Variants in FOXK2 observed in about 807,000 individuals in gnomAD.
FOXK2 encodes forkhead box K2, also known as forkhead box protein K2.
Under a neutral mutation model 53.3 loss-of-function variants are expected in FOXK2, and 24 were observed. The ratio of observed to expected loss-of-function variants is 0.45; its 90% CI spans 0.33 to 0.63. FOXK2 has a LOEUF of 0.63. FOXK2 is among the 30% of genes least tolerant of loss of function. The pLI is 0.03. For missense variants in FOXK2, 952 were observed against 910.5 expected, an observed-to-expected ratio of 1.05 and a Z score of -0.59; for synonymous variants, 505 against 407.1, an observed-to-expected ratio of 1.24 and a Z score of -2.89.
chr17:82,554,650 C>T (rs574806333), intron 1 of FOXK2, among the ~76,000 whole-genome samples: 1 of 152,260 alleles, frequency 6.6e-6, no homozygotes, highest in African/African-American at 2.4e-5. Context: ...CTGTCCCTTC[C>T]TTCCATTTTT....
Position 82,563,352 on chromosome 17 carries a change from A to G in FOXK2, c.420-2A>G. 1 of 1,610,176 alleles carries G rather than the reference A, an allele frequency of 6.2e-7. No homozygotes were observed. The highest frequency in any genetic ancestry group is 8.5e-7 in the Non-Finnish European group (1 of 1,178,264). Reference sequence around the variant, plus strand: ...TGCTGATGGTGGGCTTTTCTTTTCCAGGTGCACATTCAGGTTCCCGAGCAC... The same window carrying G: ...TGCTGATGGTGGGCTTTTCTTTTCCGGGTGCACATTCAGGTTCCCGAGCAC... On this transcript the variant is annotated splice_acceptor_variant, in intron 1 of 8. Transcript: ENST00000335255. LOFTEE classifies it high-confidence loss of function.
chr17:82,558,298 G>A (rs1185365886), intron 1 of FOXK2, among the ~76,000 whole-genome samples: 3 of 152,166 alleles, frequency 2.0e-5, no homozygotes, highest in African/African-American at 7.2e-5. Context: ...TGATTGCGTT[G>A]CTGCACTCCA....
At chr17:82,537,618 T>A (rs1172395594) in intron 1 of FOXK2, among the ~76,000 whole-genome samples, 7 of 30,442 alleles carry the variant, frequency 2.3e-4, no homozygotes, top group Admixed American at 1.1e-3. Context: ...AGACTCCATC[T>A]CAAAAAAAAA....
At chr17:82,533,910 G>T (rs1010655044) in intron 1 of FOXK2, among the ~76,000 whole-genome samples, 3 of 151,910 alleles carry the variant, frequency 2.0e-5, no homozygotes, top group African/African-American at 7.3e-5. Context: ...GAGGTTGGAG[G>T]ATCACTTGGG....
intron 8 of FOXK2, chr17:82,588,255 C>A (rs932241110): frequency 2.0e-5 from 3 of 152,536 alleles, no homozygotes; most frequent in Non-Finnish European, 4.4e-5. Flanking sequence ...TCATCAGTTA[C>A]CTGTTTGAAT....
At chr17:82,548,254 A>C (rs567622250) in intron 1 of FOXK2, among the ~76,000 whole-genome samples, 1 of 152,176 alleles carries the variant, frequency 6.6e-6, no homozygotes, top group Non-Finnish European at 1.5e-5. Flanking sequence ...TGCTGGCAGT[A>C]TGTGACAGCT....
intron 1 of FOXK2, among the ~76,000 whole-genome samples, chr17:82,529,644 C>G (rs1367725421): frequency 6.6e-6 from 1 of 152,180 alleles, no homozygotes; most frequent in Admixed American, 6.5e-5. Context: ...CCTCGGCCTC[C>G]CAAAGTGCTG....
At chr17:82,538,068 C>G (rs1330840864) in intron 1 of FOXK2, among the ~76,000 whole-genome samples, 1 of 151,288 alleles carries the variant, frequency 6.6e-6, no homozygotes, top group Non-Finnish European at 1.5e-5. Flanking sequence ...TACAAAAATA[C>G]AAAAATTAGC....
chr17:82,558,428 G>A (rs555959054), intron 1 of FOXK2, among the ~76,000 whole-genome samples: 29 of 152,350 alleles, frequency 1.9e-4, no homozygotes, highest in African/African-American at 2.6e-4. Context: ...GGGTCTGGAC[G>A]AGGACGTTGT....
intron 1 of FOXK2, among the ~76,000 whole-genome samples, chr17:82,538,035 C>G (rs2044537982): frequency 6.6e-6 from 1 of 151,904 alleles, no homozygotes; most frequent in South Asian, 2.1e-4. Flanking sequence ...ACTAGCTTGG[C>G]CAACATGGTG....
At chr17:82,533,085 C>T (rs1423053015) in intron 1 of FOXK2, among the ~76,000 whole-genome samples, 2 of 152,176 alleles carry the variant, frequency 1.3e-5, no homozygotes, top group African/African-American at 2.4e-5. Context: ...GAGCTGTCAC[C>T]TCCGGTGATA....
intron 6 of FOXK2, among the ~76,000 whole-genome samples, chr17:82,584,489 TCAAAA>T (rs993179699): frequency 4.2e-5 from 4 of 95,288 alleles, no homozygotes; most frequent in South Asian, 4.0e-4. Context: ...CGCAAAAAAA[TCAAAA>T]CAAAACAAAA....
intron 1 of FOXK2, among the ~76,000 whole-genome samples, chr17:82,552,942 C>G (rs1441851526): frequency 6.6e-6 from 1 of 152,122 alleles, no homozygotes; most frequent in Non-Finnish European, 1.5e-5. Flanking sequence ...GATTTTCTTT[C>G]TTTTTTATTT....
At chr17:82,526,937 C>T (rs1042036653) in intron 1 of FOXK2, among the ~76,000 whole-genome samples, 1 of 151,752 alleles carries the variant, frequency 6.6e-6, no homozygotes, top group African/African-American at 2.4e-5. Flanking sequence ...GAAAAGAAAA[C>T]GAGATTGTGT....
chr17:82,541,163 G>A (rs2044571172), intron 1 of FOXK2, among the ~76,000 whole-genome samples: 1 of 152,182 alleles, frequency 6.6e-6, no homozygotes, highest in South Asian at 2.1e-4. Flanking sequence ...CCTCAGGGGC[G>A]TGCAGGGACA....
intron 2 of FOXK2, among the ~76,000 whole-genome samples, chr17:82,564,674 T>A (rs1000322462): frequency 2.8e-5 from 4 of 140,898 alleles, no homozygotes; most frequent in African/African-American, 9.5e-5. Flanking sequence ...TTTTCTTTAT[T>A]TTTTTTTTAA....
At chr17:82,522,041 CTTTTTTTT>C (rs924582731) in intron 1 of FOXK2, among the ~76,000 whole-genome samples, 10 of 107,262 alleles carry the variant, frequency 9.3e-5, no homozygotes, top group South Asian at 6.2e-4. Flanking sequence ...TTTAATCTGA[CTTTTTTTT>C]TTTTTTTTTT....
chr17:82,575,839 T>TG, intron 4 of FOXK2, among the ~76,000 whole-genome samples: 2 of 152,328 alleles, frequency 1.3e-5, no homozygotes, highest in East Asian at 3.9e-4. Flanking sequence ...GATAAAGAGA[T>TG]GCAGATGCGC....
rs767274684 is a variant in FOXK2, at chr17:82,601,606, T to C, written c.*107T>C. The C allele has an allele frequency of 2.5e-6, 3 of 1,188,236 alleles. No homozygotes were observed. The highest frequency in any genetic ancestry group is 3.4e-6 in the Non-Finnish European group (3 of 870,958). 73.6% of individuals were successfully genotyped at this position (1,188,236 alleles called of 1,614,324 possible). ...CAGGGCCCTGTGGTTGGACTTCACC[T>C]CTCAGCACTGAAAACCCAAAACCCA... On this transcript the variant is annotated 3_prime_UTR_variant, in exon 9 of 9. Transcript: ENST00000335255.
Sources: gnomAD v4.1 joint callset for allele counts (sites outside exome capture counted in the v4.1 genomes callset) on GRCh38, gnomAD v4.1.1 for gene constraint, MANE v1.5 for transcripts, NCBI Gene and HGNC (gene_info 2026-07-23, HGNC 2026-07-21) for gene names.